Variants in SEMA3A observed in about 807,000 individuals in gnomAD.
SEMA3A encodes the protein semaphorin 3A, also known as semaphorin-3A.
A neutral mutation model predicts 97.9 loss-of-function variants in SEMA3A; 29 were observed. That is an observed-to-expected ratio of 0.30 (90% CI 0.22 to 0.40). The LOEUF is 0.40. Among genes scored for constraint, SEMA3A ranks in the 10% least tolerant of loss-of-function variants. The pLI is 1.00. For missense variants in SEMA3A, 763 were observed against 951.3 expected (o/e 0.80, Z 2.60); for synonymous variants, 321 against 323.7 (o/e 0.99, Z 0.09).
At chr7:84,047,940 C>T (rs753650761) in intron 5 of SEMA3A, among the ~76,000 whole-genome samples, 6 of 151,858 alleles carry the variant, frequency 4.0e-5, no homozygotes, top group South Asian at 4.1e-4. Flanking sequence ...ATAGACTTGA[C>T]TATGGAGACC....
chr7:84,151,652 T>C (rs1644129448), intron 1 of SEMA3A, among the ~76,000 whole-genome samples: 2 of 151,992 alleles, frequency 1.3e-5, no homozygotes. Context: ...TGGAACCAAG[T>C]TGGAAAACAC....
upstream of SEMA3A, among the ~76,000 whole-genome samples, chr7:84,195,953 A>G (rs780977897): frequency 6.6e-6 from 1 of 152,320 alleles, no homozygotes; most frequent in South Asian, 2.1e-4. Flanking sequence ...GTTCCTTCTG[A>G]AACAAGTAGT....
At chr7:84,086,519 T>C (rs5015457) in intron 4 of SEMA3A, among the ~76,000 whole-genome samples, 42,516 of 72,316 alleles carry the variant, frequency 0.59, 9,999 homozygotes, top group African/African-American at 0.72. Flanking sequence ...ATTATATTTA[T>C]ATATAATATA....
chr7:84,144,535 T>G (rs1796409061), intron 1 of SEMA3A, among the ~76,000 whole-genome samples: 2 of 152,112 alleles, frequency 1.3e-5, no homozygotes, highest in Admixed American at 1.3e-4. Context: ...TTAATAGAAC[T>G]TATTAAATAA....
chr7:84,378,822 A>T lies in SEMA3A; in HGVS notation c.-245-6922T>A, dbSNP rs1803175736. Among the ~76,000 whole-genome samples the T allele has an allele frequency of 2.0e-5, 3 of 152,120 alleles. No individual in the cohort carries two copies. In the South Asian group the frequency reaches 6.2e-4, roughly 31 times the overall value. On this transcript the variant is annotated intron_variant, in intron 1 of 3. Transcript: ENST00000424555. ...ATGTAAATTGGAAGATTTTATGTGGATCTACATTTATTATTTGTTTTTTTC... is the reference window on the plus strand; with the variant it reads ...ATGTAAATTGGAAGATTTTATGTGGTTCTACATTTATTATTTGTTTTTTTC...
chr7:84,052,430 T>A (rs1399752340), intron 5 of SEMA3A, among the ~76,000 whole-genome samples: 1 of 152,188 alleles, frequency 6.6e-6, no homozygotes, highest in African/African-American at 2.4e-5. Flanking sequence ...TCTTCCTGGT[T>A]TAGTCTTGGG....
intron 5 of SEMA3A, among the ~76,000 whole-genome samples, chr7:84,052,135 G>A (rs1426385065): frequency 6.6e-6 from 1 of 151,944 alleles, no homozygotes; most frequent in Non-Finnish European, 1.5e-5. Flanking sequence ...GAGGATTTTT[G>A]CATCAATGTT....
intron 1 of SEMA3A, among the ~76,000 whole-genome samples, chr7:84,193,727 G>A (rs545367327): frequency 1.3e-5 from 2 of 151,918 alleles, no homozygotes; most frequent in East Asian, 3.9e-4. Flanking sequence ...ACCAAATAAA[G>A]CACTAGTGAT....
intron 3 of SEMA3A, among the ~76,000 whole-genome samples, chr7:84,253,658 G>A (rs1799657404): frequency 6.6e-6 from 1 of 152,074 alleles, no homozygotes; most frequent in East Asian, 1.9e-4. Flanking sequence ...TTTCTCCATT[G>A]CAGTAAGAAG....
chr7:84,316,734 A>C (rs1801512669), intron 2 of SEMA3A, among the ~76,000 whole-genome samples: 1 of 152,154 alleles, frequency 6.6e-6, no homozygotes, highest in African/African-American at 2.4e-5. Context: ...TTTATTTTAA[A>C]GCTATAATCC....
intron 6 of SEMA3A, among the ~76,000 whole-genome samples, chr7:84,024,627 T>C (rs1791481658): frequency 6.6e-6 from 1 of 152,110 alleles, no homozygotes; most frequent in Non-Finnish European, 1.5e-5. Context: ...AGAAAGTACA[T>C]ATCTTTGAGG....
At chr7:84,424,151 A>T (rs1804677007) in intron 1 of SEMA3A, among the ~76,000 whole-genome samples, 1 of 151,582 alleles carries the variant, frequency 6.6e-6, no homozygotes, top group Non-Finnish European at 1.5e-5. Context: ...GTATCTACCC[A>T]AAGGAAAAGA....
chr7:84,417,855 G>A (rs1414856073), intron 1 of SEMA3A, among the ~76,000 whole-genome samples: 1 of 152,016 alleles, frequency 6.6e-6, no homozygotes, highest in Non-Finnish European at 1.5e-5. Context: ...AATTATGACT[G>A]AAAGCTGAAT....
intron 1 of SEMA3A, among the ~76,000 whole-genome samples, chr7:84,151,170 A>T (rs1250057915): frequency 4.0e-5 from 6 of 151,868 alleles, no homozygotes. Context: ...GGAAACTCTA[A>T]AAATCAGAGC....
intron 11 of SEMA3A, among the ~76,000 whole-genome samples, chr7:84,004,427 A>AT (rs1029660220): frequency 6.6e-6 from 1 of 151,866 alleles, no homozygotes; most frequent in Non-Finnish European, 1.5e-5. Flanking sequence ...TTTCTAATGA[A>AT]TTTTTTTTCT....
rs563506492 is a variant in SEMA3A, at chr7:84,234,128, G to T, written c.-82-39460C>A. 9.2e-5 allele frequency among the ~76,000 whole-genome samples: 14 copies of T among 152,096 alleles called. 1 individual carries two copies. The East Asian group carries it at 1.2e-3, about 13-fold the overall frequency. On this transcript the variant is annotated intron_variant, in intron 3 of 3. Transcript: ENST00000424555. ...TACATTGTTTTACAGGGGATGGGGGGTGTTAGTGATGGCCATTATATCATT... is the reference window on the plus strand; with the variant it reads ...TACATTGTTTTACAGGGGATGGGGGTTGTTAGTGATGGCCATTATATCATT...
intron 3 of SEMA3A, among the ~76,000 whole-genome samples, chr7:84,228,157 G>A (rs929894376): frequency 2.0e-5 from 3 of 151,964 alleles, no homozygotes; most frequent in Non-Finnish European, 4.4e-5. Flanking sequence ...AATGAGCTAG[G>A]ATGAGATGGT....
Position 84,136,960 on chromosome 7 carries a change from AGAAGGAAGGAAGGAAGGAAGGAAGGAAG to A in SEMA3A, c.113-2037_113-2010del, listed in dbSNP as rs201748268. Reference sequence around the variant, plus strand: ...AGGGAGGGAGGGAAGGAGGGAGGGAAGAAGGAAGGAAGGAAGGAAGGAAGGAAGGAAGGAAGGAAGGAAGGAAAAGAGT... The same window carrying A: ...AGGGAGGGAGGGAAGGAGGGAGGGAAGAAGGAAGGAAGGAAGGAAAAGAGT... On this transcript the variant is annotated intron_variant, in intron 1 of 16. Transcript: ENST00000265362. Among the ~76,000 whole-genome samples, 524 of 141,210 alleles carry A rather than the reference AGAAGGAAGGAAGGAAGGAAGGAAGGAAG, an allele frequency of 3.7e-3. 2 individuals are homozygous for A. Among genetic ancestry groups the A allele is most frequent in the African/African-American group, 0.013 (485 of 36,746 alleles). 92.6% of individuals were successfully genotyped at this position (141,210 alleles called of 152,430 possible).
At chr7:84,291,238 A>G (rs1800736383) in intron 3 of SEMA3A, among the ~76,000 whole-genome samples, 1 of 152,088 alleles carries the variant, frequency 6.6e-6, no homozygotes, top group Non-Finnish European at 1.5e-5. Flanking sequence ...TTTTTTAGGT[A>G]ATATTACTTA....
Sources: allele counts gnomAD v4.1 joint callset (sites outside exome capture counted in the v4.1 genomes callset), GRCh38; gene constraint gnomAD v4.1.1; transcripts MANE v1.5; gene names NCBI Gene and HGNC (gene_info 2026-07-23, HGNC 2026-07-21).